GOLGA4: variants seen among roughly 807,000 people sequenced by gnomAD.
The protein encoded by GOLGA4 is golgin subfamily A member 4.
A neutral mutation model predicts 265.9 loss-of-function variants in GOLGA4; 169 were observed. The ratio of observed to expected loss-of-function variants is 0.64; its 90% CI spans 0.56 to 0.72. The LOEUF is 0.72. Ranked by LOEUF, GOLGA4 falls within the 30% of genes least tolerant of loss-of-function variation. The pLI is 0.00. For missense variants in GOLGA4, 2,482 were observed against 2,483.4 expected (o/e 1.00, Z 0.01); for synonymous variants, 923 against 855.8 (o/e 1.08, Z -1.37).
At chr3:37,243,831 A>G (rs368221134) in intron 1 of GOLGA4, 10 of 579,622 alleles carry the variant, frequency 1.7e-5, no homozygotes, top group Non-Finnish European at 3.1e-5. Context: ...AACTTCATCC[A>G]GTCAATGAGT....
intron 2 of GOLGA4, among the ~76,000 whole-genome samples, chr3:37,261,178 A>T (rs2096768920): frequency 1.3e-5 from 2 of 152,160 alleles, no homozygotes; most frequent in Non-Finnish European, 2.9e-5. Flanking sequence ...CTCAAAAAAA[A>T]AAGAAAAAAG....
At position 37,340,528 on chromosome 3, in the gene GOLGA4, C is replaced by G. The variant is rs376867629; in HGVS notation, c.6472+329C>G. 1.7e-3 allele frequency among the ~76,000 whole-genome samples: 261 copies of G among 152,236 alleles called. 4 individuals are homozygous for G. Among genetic ancestry groups the G allele is most frequent in the African/African-American group, 5.7e-3 (238 of 41,548 alleles). On this transcript the variant is annotated intron_variant, in intron 20 of 23. Coordinates refer to ENST00000361924, the MANE Select transcript of GOLGA4 (RefSeq NM_002078.5). ...GGTGGGGAATAATACAATACATTAA[C>G]TGTAGTCAACCGTATTTTACAATAG...
intron 2 of GOLGA4, among the ~76,000 whole-genome samples, chr3:37,274,323 TA>T (rs2096807590): frequency 6.6e-6 from 1 of 152,212 alleles, no homozygotes; most frequent in Admixed American, 6.5e-5. Context: ...TCCTTGATTT[TA>T]AAAAGTTATT....
intron 21 of GOLGA4, among the ~76,000 whole-genome samples, chr3:37,351,336 G>A (rs1344909965): frequency 6.6e-6 from 1 of 152,078 alleles, no homozygotes; most frequent in Admixed American, 6.6e-5. Flanking sequence ...CTTGATAGCT[G>A]CACTATATCT....
In GOLGA4 at chr3:37,284,664, C is replaced by CTT. The variant is rs75537927; in HGVS notation, c.478-1334_478-1333dup. Among the ~76,000 whole-genome samples the CTT allele has an allele frequency of 7.3e-4, 97 of 133,528 alleles. 1 individual carries two copies. Among genetic ancestry groups the CTT allele is most frequent in the African/African-American group, 2.0e-3 (73 of 35,640 alleles). 87.6% of individuals were successfully genotyped at this position (133,528 alleles called of 152,430 possible). A position where few individuals can be genotyped will look rare whatever the true frequency, so the allele number is the denominator to read the frequency against. ...TTGCTAGACTCACCTTCCATTGCTGCTTTTTTTTTTTTTTTTTGAGATAAG... is the reference window on the plus strand; with the variant it reads ...TTGCTAGACTCACCTTCCATTGCTGCTTTTTTTTTTTTTTTTTTTGAGATAAG... On this transcript the variant is annotated intron_variant, in intron 3 of 23. Coordinates refer to ENST00000361924, the MANE Select transcript of GOLGA4 (RefSeq NM_002078.5).
intron 17 of GOLGA4, among the ~76,000 whole-genome samples, chr3:37,335,531 G>GT (rs1412117930): frequency 6.6e-6 from 1 of 152,130 alleles, no homozygotes; most frequent in African/African-American, 2.4e-5. Flanking sequence ...GATACTTTTA[G>GT]ATTTTTGGAT....
At chr3:37,276,782 C>T (rs2096820524) in intron 2 of GOLGA4, among the ~76,000 whole-genome samples, 1 of 152,100 alleles carries the variant, frequency 6.6e-6, no homozygotes, top group Non-Finnish European at 1.5e-5. Context: ...GTAGGGAGAC[C>T]ATATAATAAT....
In GOLGA4 at chr3:37,326,122, T is replaced by C; in HGVS notation, c.4236T>C (p.Asp1412=). The change falls in exon 14 of 24, where the codon GAT becomes GAC. Residue 1412 remains aspartate (D), a synonymous_variant. Transcript: ENST00000361924. Reference sequence around the variant, plus strand: ...ATGAAGAAAAATGTGAATTGCTGGATCAGGTGCAAGATTTATCTTTTAAAG... The same window carrying C: ...ATGAAGAAAAATGTGAATTGCTGGACCAGGTGCAAGATTTATCTTTTAAAG... The part of the protein sequence containing the change: ...QYDEEKCELL[D]QVQDLSFKVD... 6.2e-7 allele frequency: 1 copy of C among 1,613,800 alleles called. No individual in the cohort carries two copies. The highest frequency in any genetic ancestry group is 8.5e-7 in the Non-Finnish European group (1 of 1,179,780).
chr3:37,302,372 A>G (rs1197767275), intron 10 of GOLGA4, 40 bp downstream of exon 10: 2 of 1,513,786 alleles, frequency 1.3e-6, no homozygotes, highest in South Asian at 1.2e-5. Context: ...TTGGAACTCA[A>G]AAGTTATTTA....
intron 1 of GOLGA4, chr3:37,244,025 TC>T (rs1238955716): frequency 1.1e-5 from 2 of 188,784 alleles, no homozygotes; most frequent in Admixed American, 1.2e-4. Flanking sequence ...TGACCTCTGC[TC>T]GAGGGGTCCC....
chr3:37,289,155 AATT>A, intron 4 of GOLGA4, 77 bp from the exon 5 acceptor site: 1 of 757,598 alleles, frequency 1.3e-6, no homozygotes, highest in East Asian at 2.6e-5. Context: ...TTTTAAAAAT[AATT>A]ATTTTTGACT....
In GOLGA4 at chr3:37,325,111, A is replaced by T. The variant is rs762636700; in HGVS notation, c.3225A>T (p.Glu1075Asp). The T allele has an allele frequency of 1.9e-6, 3 of 1,612,978 alleles. No homozygotes were observed. In the East Asian group the frequency reaches 6.7e-5, roughly 36 times the overall value. ...QLQEKEQEVA[E>D]LKQKILLFGC... ...AGGAAAAAGAACAAGAGGTAGCAGAACTGAAACAAAAGATCCTCCTATTTG... is the reference window on the plus strand; with the variant it reads ...AGGAAAAAGAACAAGAGGTAGCAGATCTGAAACAAAAGATCCTCCTATTTG... The change falls in exon 14 of 24, where the codon GAA (glutamate) becomes GAT (aspartate). Residue 1075 changes from glutamate (E) to aspartate (D), a missense_variant. Around this residue, in one of 3 missense-constraint regions of GOLGA4, gnomAD observed 1,536 missense variants for 1,483.7 expected, o/e 1.04. Transcript: ENST00000361924.
intron 22 of GOLGA4, among the ~76,000 whole-genome samples, chr3:37,360,977 G>C (rs1423364013): frequency 6.6e-6 from 1 of 152,118 alleles, no homozygotes; most frequent in Non-Finnish European, 1.5e-5. Context: ...CTTAAAATAT[G>C]CAGTACACCT....
At chr3:37,280,501 T>G (rs535062701) in intron 2 of GOLGA4, among the ~76,000 whole-genome samples, 1 of 152,312 alleles carries the variant, frequency 6.6e-6, no homozygotes, top group East Asian at 1.9e-4. Context: ...TGTCTCACTA[T>G]CTATATGCAG....
chr3:37,325,947 C>A lies in GOLGA4; in HGVS notation c.4061C>A (p.Ala1354Asp). 1 of 1,600,760 alleles carries A rather than the reference C, an allele frequency of 6.2e-7. No homozygotes were observed. The highest frequency in any genetic ancestry group is 8.6e-7 in the Non-Finnish European group (1 of 1,168,196). The change falls in exon 14 of 24, where the codon GCT becomes GAT. Residue 1354 changes from alanine to aspartate, a missense_variant. By Grantham distance (126) the Ala-to-Asp change is moderately radical (BLOSUM62 -2). Coordinates refer to ENST00000361924, the MANE Select transcript of GOLGA4 (RefSeq NM_002078.5). ...LKKELSENIN[A>D]VTLMKEELKE... The stretch of plus-strand genomic sequence containing the variant: ...AAAGAGTTATCTGAAAACATCAATG[C>A]TGTCACATTGATGAAAGAAGAGCTT...
At chr3:37,289,482 ATTAAT>A (rs1314451141) in intron 5 of GOLGA4, among the ~76,000 whole-genome samples, 191 bp downstream of exon 5, 1 of 152,228 alleles carries the variant, frequency 6.6e-6, no homozygotes, top group African/African-American at 2.4e-5. Flanking sequence ...CATTGTTGGA[ATTAAT>A]GAAATGAGGT....
At chr3:37,285,971 A>G in intron 3 of GOLGA4, 43 bp from the exon 4 acceptor site, 1 of 1,181,046 alleles carries the variant, frequency 8.5e-7, no homozygotes, top group Non-Finnish European at 1.2e-6. Context: ...GAATAATTGC[A>G]TTTATTTAGG....
At chr3:37,247,857 C>T (rs180716330) in intron 1 of GOLGA4, among the ~76,000 whole-genome samples, 2 of 152,294 alleles carry the variant, frequency 1.3e-5, no homozygotes, top group Admixed American at 6.5e-5. Context: ...CTCCTTGCCA[C>T]GTGCCCCTGT....
At chr3:37,276,039 G>C in intron 2 of GOLGA4, 1 of 1,612,792 alleles carries the variant, frequency 6.2e-7, no homozygotes, top group South Asian at 1.1e-5. Context: ...GTAAGCAACA[G>C]AAAGGATGAG....
Sources: gnomAD v4.1 joint callset for allele counts (sites outside exome capture counted in the v4.1 genomes callset) on GRCh38, gnomAD v4.1.1 for gene constraint, gnomAD v4.1.1 regional missense constraint, MANE v1.5 for transcripts, NCBI Gene and HGNC (gene_info 2026-07-23, HGNC 2026-07-21) for gene names.